UVRAG: variants seen among roughly 807,000 people sequenced by gnomAD.
The protein encoded by UVRAG is UV radiation resistance-associated gene protein.
UVRAG carries 19 observed loss-of-function variants against 78.0 expected under a neutral mutation model. The ratio of observed to expected loss-of-function variants is 0.24; its 90% CI spans 0.17 to 0.36. UVRAG has a LOEUF of 0.36. Among genes scored for constraint, UVRAG ranks in the 10% least tolerant of loss-of-function variants. The pLI is 1.00. For missense variants in UVRAG, 740 were observed against 853.8 expected (o/e 0.87, Z 1.66); for synonymous variants, 323 against 324.6 (o/e 1.00, Z 0.05).
At chr11:75,833,922 A>G (rs566022618) in intron 1 of UVRAG, among the ~76,000 whole-genome samples, 10 of 152,180 alleles carry the variant, frequency 6.6e-5, no homozygotes, top group Admixed American at 2.0e-4. Flanking sequence ...TAAACCTACA[A>G]CCTTCCAGCA....
intron 3 of UVRAG, among the ~76,000 whole-genome samples, chr11:75,877,876 C>T (rs1946837213): frequency 2.8e-5 from 4 of 142,780 alleles, no homozygotes; most frequent in South Asian, 4.5e-4. Context: ...ACCCCCCCAC[C>T]TCCCTCCCGG....
intron 2 of UVRAG, among the ~76,000 whole-genome samples, chr11:75,858,555 G>C (rs368435354): frequency 2.6e-4 from 39 of 152,206 alleles, no homozygotes; most frequent in African/African-American, 9.1e-4. Context: ...TATACACACA[G>C]TATTGCATTG....
rs1392217977 is a variant in UVRAG, at chr11:76,007,610, C to T, written c.988C>T (p.Pro330Ser). Reference protein sequence around the residue: ...QLLSELSYIYPIDLNEHKDYF... With the variant: ...QLLSELSYIYSIDLNEHKDYF... ...ACTCTCTGAGCTTTCCTACATTTACCCTATTGATTTGGTAAGTTTCAAATT... is the reference window on the plus strand; with the variant it reads ...ACTCTCTGAGCTTTCCTACATTTACTCTATTGATTTGGTAAGTTTCAAATT... Residue 330 changes from proline to serine, a missense_variant, in exon 10 of 15, where the codon CCT (proline) becomes TCT (serine). Coordinates refer to ENST00000356136, the MANE Select transcript of UVRAG (RefSeq NM_003369.4). 3.1e-6 allele frequency: 5 copies of T among 1,612,946 alleles called. No homozygotes were observed. The highest frequency in any genetic ancestry group is 4.2e-6 in the Non-Finnish European group (5 of 1,179,598).
At chr11:76,123,516 A>G (rs1364127991) in intron 14 of UVRAG, among the ~76,000 whole-genome samples, 1 of 152,176 alleles carries the variant, frequency 6.6e-6, no homozygotes, top group African/African-American at 2.4e-5. Flanking sequence ...TTTTTTCTGA[A>G]TAAGAAAAAG....
chr11:75,815,454 C>T lies in UVRAG; in HGVS notation c.47C>T (p.Pro16Leu), dbSNP rs375170514. Reference protein sequence around the residue: ...SVGGPVPQPPPGPAAALPPGS... With the variant: ...SVGGPVPQPPLGPAAALPPGS... ...GGGGGCCCCGTCCCCCAGCCACCCCCGGGCCCGGCCGCTGCTCTGCCTCCC... is the reference window on the plus strand; with the variant it reads ...GGGGGCCCCGTCCCCCAGCCACCCCTGGGCCCGGCCGCTGCTCTGCCTCCC... Residue 16 changes from proline to leucine, a missense_variant, in exon 1 of 15, where the codon CCG (proline) becomes CTG (leucine). Pro to Leu is a moderately conservative substitution (Grantham distance 98). Coordinates refer to ENST00000356136, the MANE Select transcript of UVRAG (RefSeq NM_003369.4). 4.8e-4 allele frequency: 595 copies of T among 1,248,130 alleles called. 1 individual carries two copies. The African/African-American group carries it at 8.4e-3, about 18-fold the overall frequency. 77.3% of individuals were successfully genotyped at this position (1,248,130 alleles called of 1,614,324 possible). A position where few individuals can be genotyped will look rare whatever the true frequency, so the allele number is the denominator to read the frequency against.
chr11:76,051,505 T>C lies in UVRAG; in HGVS notation c.1227-14205T>C, dbSNP rs1306119497. Among the ~76,000 whole-genome samples, 4 of 152,322 alleles carry C rather than the reference T, an allele frequency of 2.6e-5. No homozygotes were observed. The East Asian group carries it at 7.7e-4, about 29-fold the overall frequency. ...GTGTGGAAAAACTGGAAGGTTTCTATAAGGAAATTGATATTGAGTTCTTTA... is the reference window on the plus strand; with the variant it reads ...GTGTGGAAAAACTGGAAGGTTTCTACAAGGAAATTGATATTGAGTTCTTTA... On this transcript the variant is annotated intron_variant, in intron 12 of 14. Transcript: ENST00000356136.
At chr11:75,999,047 A>G (rs1023633514) in intron 8 of UVRAG, among the ~76,000 whole-genome samples, 1 of 152,116 alleles carries the variant, frequency 6.6e-6, no homozygotes, top group Non-Finnish European at 1.5e-5. Flanking sequence ...AGCCTGGCCA[A>G]CATGGTGAAA....
At chr11:76,137,109 T>C (rs979106619) in intron 14 of UVRAG, 2 of 237,810 alleles carry the variant, frequency 8.4e-6, no homozygotes, top group Non-Finnish European at 1.7e-5. Context: ...CAAACTCATA[T>C]AATAAATACA....
chr11:75,911,886 C>A, intron 5 of UVRAG, 68 bp from the exon 6 acceptor site: 1 of 1,055,200 alleles, frequency 9.5e-7, no homozygotes, highest in Non-Finnish European at 1.4e-6. Context: ...AAAAGACAAG[C>A]ATGATTAATT....
chr11:75,876,968 T>C (rs1445008830), intron 3 of UVRAG, among the ~76,000 whole-genome samples: 2 of 151,476 alleles, frequency 1.3e-5, no homozygotes, highest in East Asian at 3.9e-4. Flanking sequence ...CAAAGGTCTC[T>C]GGTTTTCCTA....
chr11:76,037,214 CA>C (rs962247182), intron 12 of UVRAG, among the ~76,000 whole-genome samples: 5 of 152,054 alleles, frequency 3.3e-5, no homozygotes, highest in African/African-American at 1.2e-4. Context: ...GTATGAAAGA[CA>C]TACAAAACAA....
In UVRAG at chr11:75,965,241, C is replaced by T. The variant is rs536920243; in HGVS notation, c.699+3692C>T. ...GTGAACATGGTGTATATCTCTTTTA[C>T]TTAGATTTCTCTCTAATTCTCTTTA... On this transcript the variant is annotated intron_variant, in intron 7 of 14. Coordinates refer to ENST00000356136, the MANE Select transcript of UVRAG (RefSeq NM_003369.4). 3.3e-5 allele frequency among the ~76,000 whole-genome samples: 5 copies of T among 152,336 alleles called. No individual in the cohort carries two copies. The South Asian group carries it at 1.0e-3, about 32-fold the overall frequency.
Position 76,141,288 on chromosome 11 carries a change from A to C in UVRAG, c.1975A>C (p.Ser659Arg). The C allele has an allele frequency of 6.2e-7, 1 of 1,614,244 alleles. No individual in the cohort carries two copies. The highest frequency in any genetic ancestry group is 8.5e-7 in the Non-Finnish European group (1 of 1,180,036). Residue 659 changes from serine (S) to arginine (R), a missense_variant, in exon 15 of 15, where the codon AGT becomes CGT. Ser to Arg is a moderately radical substitution (Grantham distance 110). Coordinates refer to ENST00000356136, the MANE Select transcript of UVRAG (RefSeq NM_003369.4). ...LEAFNCIPVDSAVAVECDEQV... is the reference protein window; with the variant it reads ...LEAFNCIPVDRAVAVECDEQV... ...AGCATTTAACTGCATCCCAGTGGAC[A>C]GTGCTGTGGCAGTAGAGTGTGACGA...
intron 4 of UVRAG, among the ~76,000 whole-genome samples, chr11:75,884,212 G>GTCTCTCTCTCTCTC (rs138821865): frequency 0.017 from 2,496 of 144,046 alleles, 88 homozygotes; most frequent in African/African-American, 0.062. Flanking sequence ...TTTGAGATCA[G>GTCTCTCTCTCTCTC]TCTCTCTCTC....
At chr11:76,023,928 T>C (rs1950287388) in intron 12 of UVRAG, among the ~76,000 whole-genome samples, 1 of 152,168 alleles carries the variant, frequency 6.6e-6, no homozygotes, top group Admixed American at 6.6e-5. Context: ...ATTTGGTTTG[T>C]TTAATGATGA....
intron 3 of UVRAG, among the ~76,000 whole-genome samples, chr11:75,871,885 G>A (rs1946659899): frequency 6.6e-6 from 1 of 152,066 alleles, no homozygotes; most frequent in African/African-American, 2.4e-5. Context: ...CATTCTGGTG[G>A]GATTATGGTA....
chr11:75,816,676 C>T (rs887644585), intron 1 of UVRAG, among the ~76,000 whole-genome samples: 2 of 152,336 alleles, frequency 1.3e-5, no homozygotes, highest in East Asian at 1.9e-4. Context: ...CAGCCATGCA[C>T]GTGCTTGAGA....
At chr11:75,993,006 C>T (rs962297104) in intron 8 of UVRAG, among the ~76,000 whole-genome samples, 3 of 152,044 alleles carry the variant, frequency 2.0e-5, no homozygotes, top group African/African-American at 7.2e-5. Context: ...GTTCTGAGTC[C>T]AGGAGCTCAG....
At chr11:75,878,780 A>G (rs1357057154) in intron 3 of UVRAG, among the ~76,000 whole-genome samples, 1 of 151,762 alleles carries the variant, frequency 6.6e-6, no homozygotes, top group Non-Finnish European at 1.5e-5. Flanking sequence ...AGAATCAGGC[A>G]GGGAGGTTGC....
Sources: allele counts gnomAD v4.1 joint callset (sites outside exome capture counted in the v4.1 genomes callset), GRCh38; gene constraint gnomAD v4.1.1; transcripts MANE v1.5; gene names NCBI Gene and HGNC (gene_info 2026-07-23, HGNC 2026-07-21).